SLCO4A1: variants seen among roughly 807,000 people sequenced by gnomAD.
SLCO4A1 encodes the protein solute carrier organic anion transporter family member 4A1, also known as colon organic anion transporter.
SLCO4A1 carries 51 observed loss-of-function variants against 64.6 expected under a neutral mutation model. That is an observed-to-expected ratio of 0.79 (90% confidence interval 0.63 to 1.00). The LOEUF (loss-of-function observed/expected upper bound fraction) is 1.00. Among genes scored for constraint, SLCO4A1 ranks in the 50% least tolerant of loss-of-function variants. The probability of loss-of-function intolerance (pLI) is 0.00; values close to 1 mark genes in which losing one functional copy is unlikely to be tolerated. For missense variants in SLCO4A1, 919 were observed against 980.5 expected (o/e 0.94, Z 0.84); for synonymous variants, 471 against 444.9 (o/e 1.06, Z -0.74).
In SLCO4A1 at chr20:62,657,333, C is replaced by A; in HGVS notation, c.796+83C>A. 43 of 1,278,416 alleles carry A rather than the reference C, an allele frequency of 3.4e-5. 1 individual carries two copies. The South Asian group carries it at 6.1e-4, about 18-fold the overall frequency. 79.2% of individuals were successfully genotyped at this position (1,278,416 alleles called of 1,614,324 possible). A position where few individuals can be genotyped will look rare whatever the true frequency, so the allele number is the denominator to read the frequency against. ...AGTGAGGGTAACTGGCCGGAGCCAG[C>A]CCCGCCCCCTGCCTTCGTGTACCCC... On this transcript the variant is annotated intron_variant, in intron 2 of 11. Coordinates refer to ENST00000217159, the MANE Select transcript of SLCO4A1 (RefSeq NM_016354.4).
chr20:62,669,371 G>A (rs1986920966), intron 11 of SLCO4A1, among the ~76,000 whole-genome samples: 1 of 152,208 alleles, frequency 6.6e-6, no homozygotes, highest in African/African-American at 2.4e-5. Context: ...TCCACAGTGT[G>A]GTCTTGCACG....
At chr20:62,690,193 C>T (rs1988184011), downstream of SLCO4A1, among the ~76,000 whole-genome samples, 1 of 152,220 alleles carries the variant, frequency 6.6e-6, no homozygotes, top group Non-Finnish European at 1.5e-5. Flanking sequence ...TGTGTCCTCC[C>T]AGTAAACCTC....
At position 62,664,757 on chromosome 20, in the gene SLCO4A1, C is replaced by T. The variant is rs559633886; in HGVS notation, c.1122-177C>T. On this transcript the variant is annotated intron_variant, in intron 5 of 11. Transcript: ENST00000217159. ...CTTTGTAATCAGACCGGGGAGCTGA[C>T]AGCCTCAGGAACAGCAGGTTCCTCC... is the stretch of plus-strand genomic sequence containing the variant. Among the ~76,000 whole-genome samples the T allele has an allele frequency of 2.0e-5, 3 of 152,286 alleles. 1 individual carries two copies. The South Asian group carries it at 6.2e-4, about 32-fold the overall frequency.
chr20:62,664,139 G>C (rs1453387346), intron 5 of SLCO4A1, among the ~76,000 whole-genome samples: 1 of 152,114 alleles, frequency 6.6e-6, no homozygotes, highest in African/African-American at 2.4e-5. Context: ...AGCCAGGACC[G>C]CAACAGGCAG....
rs147453116 is a variant in SLCO4A1, at chr20:62,672,191, T to C, written c.*298T>C. ...GCGTGAGGACAAACTCCGCAGGGGC[T>C]GTGAATCCCACTGGGAGGGCGGTGG... is the stretch of plus-strand genomic sequence containing the variant. On this transcript the variant is annotated 3_prime_UTR_variant, in exon 12 of 12. Coordinates refer to ENST00000217159, the MANE Select transcript of SLCO4A1 (RefSeq NM_016354.4). 635 of 1,304,294 alleles carry C rather than the reference T, an allele frequency of 4.9e-4. 4 individuals are homozygous for C. The African/African-American group carries it at 8.7e-3, about 18-fold the overall frequency. 80.8% of individuals were successfully genotyped at this position (1,304,294 alleles called of 1,614,324 possible).
At chr20:62,668,411 C>T in intron 9 of SLCO4A1, 66 bp from the exon 10 acceptor site, 2 of 1,536,212 alleles carry the variant, frequency 1.3e-6, no homozygotes, top group East Asian at 2.2e-5. Context: ...AGGCCACTGG[C>T]CTAGGGGGTG....
chr20:62,675,234 C>T (rs1337029936), downstream of SLCO4A1, among the ~76,000 whole-genome samples: 3 of 152,190 alleles, frequency 2.0e-5, no homozygotes, highest in Non-Finnish European at 4.4e-5. Context: ...GGCTGCTCAT[C>T]GGCATTGCAA....
downstream of SLCO4A1, among the ~76,000 whole-genome samples, chr20:62,689,793 G>C (rs1222932667): frequency 6.6e-6 from 1 of 152,260 alleles, no homozygotes; most frequent in Non-Finnish European, 1.5e-5. Context: ...CTGGCAGGGG[G>C]ATCCACATCA....
At chr20:62,681,134 C>T (rs1484239306) in intron 2 of SLCO4A1, among the ~76,000 whole-genome samples, 3 of 152,180 alleles carry the variant, frequency 2.0e-5, no homozygotes, top group African/African-American at 7.2e-5. Context: ...TCAACTGATC[C>T]CTTGGCCTCC....
At chr20:62,680,719 G>A (rs1475208785) in intron 2 of SLCO4A1, among the ~76,000 whole-genome samples, 30 of 152,222 alleles carry the variant, frequency 2.0e-4, no homozygotes, top group Non-Finnish European at 4.4e-4. Flanking sequence ...CACCCCCTGG[G>A]ATACACTTGA....
At position 62,664,985 on chromosome 20, in the gene SLCO4A1, C is replaced by G. The variant is rs760130941; in HGVS notation, c.1173C>G (p.Ala391=). 1 of 1,613,774 alleles carries G rather than the reference C, an allele frequency of 6.2e-7. No individual in the cohort carries two copies. Among genetic ancestry groups the G allele is most frequent in the South Asian group, 1.1e-5 (1 of 91,056 alleles). ...CCACGTTCATCCTGCTCTGCCTGGC[C>G]GGGGCCACCGAGGCCACTCTCATCA... ...KNPTFILLCL[A]GATEATLITG... Residue 391 remains alanine (A), a synonymous_variant, in exon 6 of 12, where the codon GCC becomes GCG. Coordinates refer to ENST00000217159, the MANE Select transcript of SLCO4A1 (RefSeq NM_016354.4).
At position 62,656,352 on chromosome 20, in the gene SLCO4A1, C is replaced by T. The variant is rs902063641; in HGVS notation, c.-96-7C>T. On this transcript the variant is annotated splice_region_variant and splice_polypyrimidine_tract_variant and intron_variant, in intron 1 of 11. Transcript: ENST00000217159. ...GTGAGCTTGCTAACCAGACATTCTT[C>T]TCACAGGACACACCAGCCCCTCGGA... 20 of 999,840 alleles carry T rather than the reference C, an allele frequency of 2.0e-5. No homozygotes were observed. Among genetic ancestry groups the T allele is most frequent in the Admixed American group, 5.8e-5 (2 of 34,266 alleles). The allele number at this position is 999,840 out of a possible 1,614,324, so 61.9% of individuals were successfully genotyped here. A position where few individuals can be genotyped will look rare whatever the true frequency, so the allele number is the denominator to read the frequency against.
chr20:62,686,440 C>T (rs930375493), downstream of SLCO4A1, among the ~76,000 whole-genome samples: 1 of 152,144 alleles, frequency 6.6e-6, no homozygotes, highest in African/African-American at 2.4e-5. Flanking sequence ...CTCCGCTCCA[C>T]CAAGGGCCGG....
At chr20:62,670,115 G>A (rs750118456) in intron 11 of SLCO4A1, 1 of 152,278 alleles carries the variant, frequency 6.6e-6, no homozygotes, top group Non-Finnish European at 1.5e-5. Context: ...TTTGGAAGAA[G>A]GCAAGGTCAG....
At position 62,671,859 on chromosome 20, in the gene SLCO4A1, G is replaced by A. The variant is rs375856989; in HGVS notation, c.2135G>A (p.Ser712Asn). ...CLPSQSSAPDSATDSQLQSSV is the reference protein window; with the variant it reads ...CLPSQSSAPDNATDSQLQSSV Reference sequence around the variant, plus strand: ...CCCAGCCAGTCCTCAGCCCCTGACAGTGCCACAGATAGCCAGCTCCAGAGC... The same window carrying A: ...CCCAGCCAGTCCTCAGCCCCTGACAATGCCACAGATAGCCAGCTCCAGAGC... The change falls in exon 12 of 12, where the codon AGT becomes AAT. Residue 712 changes from serine to asparagine, a missense_variant. Coordinates refer to ENST00000217159, the MANE Select transcript of SLCO4A1 (RefSeq NM_016354.4). 14 of 1,613,236 alleles carry A rather than the reference G, an allele frequency of 8.7e-6. No homozygotes were observed. The African/African-American group carries it at 1.7e-4, about 20-fold the overall frequency.
At chr20:62,676,292 C>T (rs924942079), downstream of SLCO4A1, among the ~76,000 whole-genome samples, 4 of 151,468 alleles carry the variant, frequency 2.6e-5, no homozygotes, top group African/African-American at 4.9e-5. Context: ...TGGTGGCGTG[C>T]GCCTGTAGTC....
chr20:62,661,303 G>C lies in SLCO4A1; in HGVS notation c.1121+128G>C, dbSNP rs1337821706. 3 of 677,532 alleles carry C rather than the reference G, an allele frequency of 4.4e-6. No individual in the cohort carries two copies. The highest frequency in any genetic ancestry group is 7.8e-6 in the Non-Finnish European group (3 of 382,842). 42.0% of individuals were successfully genotyped at this position (677,532 alleles called of 1,614,324 possible). On this transcript the variant is annotated intron_variant, in intron 5 of 11. Transcript: ENST00000217159. The surrounding 1 kb of genome is among the most constrained non-coding windows in gnomAD (Gnocchi z 5.2). Reference sequence around the variant, plus strand: ...AGCCCCTAACCTCTGTCGTGACCCTGGGCCAAGAGATTAAGGAGCAACAGA... The same window carrying C: ...AGCCCCTAACCTCTGTCGTGACCCTCGGCCAAGAGATTAAGGAGCAACAGA...
chr20:62,644,141 C>A lies in SLCO4A1; in HGVS notation c.-97+1588C>A, dbSNP rs1164196112. Among the ~76,000 whole-genome samples the A allele has an allele frequency of 6.6e-6, 1 of 152,210 alleles. No homozygotes were observed. Among genetic ancestry groups the A allele is most frequent in the South Asian group, 2.1e-4 (1 of 4,830 alleles). ...GTGTCTGTTCTGGGTTGTCAGTGATCGCAGGACACCAGTAGGATGTTGCTC... is the reference window on the plus strand; with the variant it reads ...GTGTCTGTTCTGGGTTGTCAGTGATAGCAGGACACCAGTAGGATGTTGCTC... On this transcript the variant is annotated intron_variant, in intron 1 of 11. Coordinates refer to ENST00000217159, the MANE Select transcript of SLCO4A1 (RefSeq NM_016354.4). This position sits in a 1 kb window ranked among gnomAD's most constrained non-coding sequence, Gnocchi z 5.4.
At chr20:62,658,938 A>G (rs1359387893) in intron 3 of SLCO4A1, among the ~76,000 whole-genome samples, 171 bp downstream of exon 3, 2 of 152,202 alleles carry the variant, frequency 1.3e-5, no homozygotes, top group Non-Finnish European at 2.9e-5. Flanking sequence ...GACTCGGAGG[A>G]TCTGTAGGGG....
Sources: allele counts gnomAD v4.1 joint callset (sites outside exome capture counted in the v4.1 genomes callset), GRCh38; gene constraint gnomAD v4.1.1; non-coding constraint Gnocchi (gnomAD v3.1); transcripts MANE v1.5; gene names NCBI Gene and HGNC (gene_info 2026-07-23, HGNC 2026-07-21).